The following INTS6 variants were observed in gnomAD, a reference collection of about 807,000 sequenced individuals.
The protein encoded by INTS6 is integrator complex subunit 6, also known as DEAD box protein.
Under a neutral mutation model 104.9 loss-of-function variants are expected in INTS6, and 16 were observed. That is an observed-to-expected ratio of 0.15 (90% CI 0.10 to 0.23). The LOEUF (loss-of-function observed/expected upper bound fraction) is 0.23. Ranked by LOEUF, INTS6 falls within the 10% of genes least tolerant of loss-of-function variation. INTS6 has a pLI of 1.00. For synonymous variants in INTS6, 324 were observed against 358.7 expected (o/e 0.90, Z 1.09); for missense variants, 584 against 1,062.8 (o/e 0.55, Z 6.26).
intron 3 of INTS6, chr13:51,447,118 T>A (rs2138165433): frequency 6.6e-6 from 1 of 152,348 alleles, no homozygotes; most frequent in South Asian, 2.1e-4. Context: ...CCAGTTTATA[T>A]TCAACACAGC....
At chr13:51,342,780 T>C in the INTS6 span, among the ~76,000 whole-genome samples, 1 of 152,176 alleles carries the variant, frequency 6.6e-6, no homozygotes, top group Non-Finnish European at 1.5e-5. Context: ...TCAACATTCC[T>C]AGGAATGTGA....
At chr13:51,373,846 C>T (rs1426921285) in intron 15 of INTS6, among the ~76,000 whole-genome samples, 1 of 152,174 alleles carries the variant, frequency 6.6e-6, no homozygotes, top group African/African-American at 2.4e-5. Flanking sequence ...CAGTGGTATA[C>T]CTCAAAGCAC....
At chr13:51,334,943 A>G in the INTS6 span, among the ~76,000 whole-genome samples, 3 of 149,942 alleles carry the variant, frequency 2.0e-5, no homozygotes, top group Non-Finnish European at 3.0e-5. Flanking sequence ...AGATCATGCC[A>G]CTAAACTCCA....
intron 3 of INTS6, chr13:51,445,322 A>G (rs1952889433): frequency 6.6e-6 from 1 of 152,220 alleles, no homozygotes. Flanking sequence ...TCTGGGATAC[A>G]ATACAAAGCC....
chr13:51,397,687 T>A (rs946617649), intron 4 of INTS6, among the ~76,000 whole-genome samples: 4 of 152,174 alleles, frequency 2.6e-5, no homozygotes, highest in African/African-American at 9.7e-5. Context: ...CTCTCTAATA[T>A]CACAAAAATG....
At chr13:51,397,512 G>C (rs193115460) in intron 4 of INTS6, among the ~76,000 whole-genome samples, 17 of 152,270 alleles carry the variant, frequency 1.1e-4, no homozygotes, top group African/African-American at 3.8e-4. Flanking sequence ...AGCCTCACAG[G>C]CTCTGTGACA....
In INTS6 at chr13:51,387,467, T is replaced by C; in HGVS notation, c.813A>G (p.Arg271=). 1 of 1,613,942 alleles carries C rather than the reference T, an allele frequency of 6.2e-7. No individual in the cohort carries two copies. Among genetic ancestry groups the C allele is most frequent in the Non-Finnish European group, 8.5e-7 (1 of 1,179,890 alleles). The change falls in exon 7 of 18, where the codon AGA becomes AGG. Residue 271 remains arginine (R), a synonymous_variant. Coordinates refer to ENST00000311234, the MANE Select transcript of INTS6 (RefSeq NM_012141.3). ...TAGGAACCCCAGTTTTAGGATTTGGTCTGACATATATGAGTTTGTGACAGC... is the reference window on the plus strand; with the variant it reads ...TAGGAACCCCAGTTTTAGGATTTGGCCTGACATATATGAGTTTGTGACAGC... The part of the protein sequence containing the change: ...WHSCHKLIYV[R]PNPKTGVPIG...
chr13:51,368,550 G>A (rs1955737778), intron 16 of INTS6, among the ~76,000 whole-genome samples: 1 of 152,098 alleles, frequency 6.6e-6, no homozygotes, highest in African/African-American at 2.4e-5. Flanking sequence ...TAATATCACA[G>A]TTTAACTACT....
intron 4 of INTS6, among the ~76,000 whole-genome samples, chr13:51,409,293 T>G (rs1010257577): frequency 2.2e-4 from 33 of 147,512 alleles, no homozygotes; most frequent in African/African-American, 5.2e-4. Context: ...ATAATAATAA[T>G]AATAATAATA....
At chr13:51,391,581 T>C (rs991763982) in intron 5 of INTS6, among the ~76,000 whole-genome samples, 1 of 152,222 alleles carries the variant, frequency 6.6e-6, no homozygotes, top group Non-Finnish European at 1.5e-5. Context: ...TTTGTGCTAA[T>C]GCATAAAGTT....
At chr13:51,358,378 G>C (rs115472330), downstream of INTS6, among the ~76,000 whole-genome samples, 1 of 152,128 alleles carries the variant, frequency 6.6e-6, no homozygotes, top group African/African-American at 2.4e-5. Context: ...TTTATACAAC[G>C]TCATGTTTTG....
rs775918483 is a variant in INTS6 at position 51,452,539 on chromosome 13, G to A, written c.-14C>T. ...TAAGATGGGCATAGTGCTGGCCGGG[G>A]ACACCGGGGCCCGAGGTGGTGGAGA... On this transcript the variant is annotated 5_prime_UTR_variant, in exon 1 of 18. Transcript: ENST00000311234. This position sits in a 1 kb window ranked among gnomAD's most constrained non-coding sequence, Gnocchi z 4.2. The A allele has an allele frequency of 4.3e-6, 7 of 1,609,542 alleles. No homozygotes were observed. The highest frequency in any genetic ancestry group is 5.9e-6 in the Non-Finnish European group (7 of 1,177,216).
intron 5 of INTS6, among the ~76,000 whole-genome samples, chr13:51,394,220 T>C (rs55678657): frequency 0.029 from 4,451 of 152,228 alleles, 224 homozygotes; most frequent in African/African-American, 0.1. Flanking sequence ...AAAAATTACA[T>C]ATATGCCTTT....
chr13:51,426,626 A>T (rs1416676237), intron 4 of INTS6, among the ~76,000 whole-genome samples: 1 of 152,116 alleles, frequency 6.6e-6, no homozygotes, highest in Non-Finnish European at 1.5e-5. Context: ...GATTTCCCCC[A>T]TAACACTGTG....
chr13:51,402,315 T>C (rs1244740432), intron 4 of INTS6, among the ~76,000 whole-genome samples: 1 of 152,214 alleles, frequency 6.6e-6, no homozygotes, highest in African/African-American at 2.4e-5. Context: ...TTAGGAGACA[T>C]CTGTTTGGAG....
At chr13:51,442,727 G>C (rs1199623310) in intron 3 of INTS6, 1 of 152,158 alleles carries the variant, frequency 6.6e-6, no homozygotes, top group African/African-American at 2.4e-5. Flanking sequence ...AAGGGGTCTA[G>C]GTTATGCGCT....
chr13:51,388,794 G>C (rs563001025), intron 6 of INTS6, among the ~76,000 whole-genome samples: 1 of 152,266 alleles, frequency 6.6e-6, no homozygotes, highest in South Asian at 2.1e-4. Flanking sequence ...CTGGCTATTG[G>C]AAATAGTTCA....
rs559469047 is a variant in INTS6 at position 51,435,892 on chromosome 13, T to A, written c.340-5509A>T. 2.6e-5 allele frequency among the ~76,000 whole-genome samples: 4 copies of A among 152,130 alleles called. No individual in the cohort carries two copies. The South Asian group carries it at 8.3e-4, about 31-fold the overall frequency. ...AATACACAAACTGGGTAATAACATATTACAAACAAAACAGAATTACTTAAG... is the reference window on the plus strand; with the variant it reads ...AATACACAAACTGGGTAATAACATAATACAAACAAAACAGAATTACTTAAG... On this transcript the variant is annotated intron_variant, in intron 3 of 17. Coordinates refer to ENST00000311234, the MANE Select transcript of INTS6 (RefSeq NM_012141.3).
intron 5 of INTS6, 124 bp downstream of exon 5, chr13:51,395,176 A>T: frequency 1.1e-6 from 1 of 887,992 alleles, no homozygotes; most frequent in South Asian, 1.8e-5. Flanking sequence ...AAAAGCATAT[A>T]TGCCTAATTC....
Sources: gnomAD v4.1 joint callset for allele counts (sites outside exome capture counted in the v4.1 genomes callset) on GRCh38, gnomAD v4.1.1 for gene constraint, Gnocchi (gnomAD v3.1) non-coding constraint, MANE v1.5 for transcripts, NCBI Gene and HGNC (gene_info 2026-07-23, HGNC 2026-07-21) for gene names.